Variants in COG6 observed in about 807,000 individuals in gnomAD.
COG6 encodes component of oligomeric golgi complex 6.
A neutral mutation model predicts 88.8 loss-of-function variants in COG6; 74 were observed. The ratio of observed to expected loss-of-function variants is 0.83; its 90% CI spans 0.69 to 1.01. COG6 has a LOEUF of 1.01. COG6 is among the 50% of genes least tolerant of loss of function. COG6 has a pLI of 0.00. For missense variants in COG6, 800 were observed against 797.9 expected (o/e 1.00, Z -0.03); for synonymous variants, 286 against 278.7 (o/e 1.03, Z -0.26).
chr13:39,787,224 G>T (rs1881801130), intron 18 of COG6, among the ~76,000 whole-genome samples: 1 of 152,198 alleles, frequency 6.6e-6, no homozygotes, highest in African/African-American at 2.4e-5. Context: ...TTCCAGGCAA[G>T]ATGGTCAAAT....
intron 15 of COG6, among the ~76,000 whole-genome samples, chr13:39,721,406 G>A (rs1878843816): frequency 3.9e-5 from 6 of 152,008 alleles, no homozygotes; most frequent in Admixed American, 3.3e-4. Flanking sequence ...ATTAGTCCTG[G>A]CAGCATTTTC....
At chr13:39,759,203 G>A (rs1880939157) in intron 18 of COG6, among the ~76,000 whole-genome samples, 1 of 152,102 alleles carries the variant, frequency 6.6e-6, no homozygotes, top group African/African-American at 2.4e-5. Flanking sequence ...TTTTAAAATG[G>A]TAAATTTTAT....
intron 4 of COG6, among the ~76,000 whole-genome samples, chr13:39,674,287 T>C (rs1875832408): frequency 6.6e-6 from 1 of 151,020 alleles, no homozygotes; most frequent in Admixed American, 6.6e-5. Flanking sequence ...AATCGACATG[T>C]TTCTCATTTT....
chr13:39,734,086 G>A (rs1455934691), intron 18 of COG6, among the ~76,000 whole-genome samples: 1 of 151,824 alleles, frequency 6.6e-6, no homozygotes, highest in Non-Finnish European at 1.5e-5. Flanking sequence ...TCACTCTTTT[G>A]TACTTTTGTT....
chr13:39,657,744 G>A (rs555309571), intron 1 of COG6, among the ~76,000 whole-genome samples: 30 of 152,222 alleles, frequency 2.0e-4, no homozygotes, highest in African/African-American at 6.5e-4. Context: ...TGTACAATGG[G>A]GATGTCCTGG....
intron 13 of COG6, among the ~76,000 whole-genome samples, chr13:39,703,267 A>G (rs560801851): frequency 4.4e-4 from 67 of 152,222 alleles, no homozygotes; most frequent in African/African-American, 1.0e-3. Flanking sequence ...GATAATGGAC[A>G]TTAAAAAAAA....
At chr13:39,786,548 T>A (rs1008416263) in intron 18 of COG6, among the ~76,000 whole-genome samples, 5 of 152,156 alleles carry the variant, frequency 3.3e-5, no homozygotes, top group African/African-American at 1.2e-4. Context: ...GTAAGTGATA[T>A]TGAAACAAGG....
In COG6 at chr13:39,687,577, G is replaced by A. The variant is rs1282236514; in HGVS notation, c.863G>A (p.Gly288Glu). The A allele has an allele frequency of 1.9e-6, 3 of 1,613,604 alleles. No homozygotes were observed. The highest frequency in any genetic ancestry group is 2.5e-6 in the Non-Finnish European group (3 of 1,179,982). The change falls in exon 9 of 19, where the codon GGG (glycine) becomes GAG (glutamate). Residue 288 changes from glycine to glutamate, a missense_variant. Physicochemically the swap from Gly to Glu is moderately conservative, Grantham distance 98. Coordinates refer to ENST00000455146, the MANE Select transcript of COG6 (RefSeq NM_020751.3). ...VRGFIDALTR[G>E]GPGGTPRPIE... ...GGATTTATTGATGCGCTCACAAGAG[G>A]GGGCCCCGGAGGTACACCTAGACCA...
intron 10 of COG6, among the ~76,000 whole-genome samples, 159 bp from the exon 11 acceptor site, chr13:39,689,601 C>G (rs1415390439): frequency 6.6e-6 from 1 of 151,858 alleles, no homozygotes; most frequent in East Asian, 1.9e-4. Flanking sequence ...AGTAATGTCC[C>G]AAGAGATATC....
intron 12 of COG6, 67 bp downstream of exon 12, chr13:39,694,792 TA>T: frequency 1.1e-6 from 1 of 890,148 alleles, no homozygotes; most frequent in South Asian, 1.5e-5. Context: ...GAGCACAGTA[TA>T]AGATTTTTTT....
chr13:39,755,439 G>T (rs913797585), downstream of COG6, among the ~76,000 whole-genome samples: 1 of 152,132 alleles, frequency 6.6e-6, no homozygotes, highest in Non-Finnish European at 1.5e-5. Context: ...CTACTGGGGT[G>T]GGGGTGGGGA....
intron 13 of COG6, among the ~76,000 whole-genome samples, chr13:39,702,060 C>T (rs757985466): frequency 1.3e-5 from 2 of 151,788 alleles, no homozygotes; most frequent in Non-Finnish European, 2.9e-5. Flanking sequence ...TAGAGAGTAC[C>T]ATGTGCAGTT....
intron 13 of COG6, among the ~76,000 whole-genome samples, chr13:39,701,558 A>G (rs1239664141): frequency 6.6e-6 from 1 of 151,958 alleles, no homozygotes; most frequent in East Asian, 1.9e-4. Flanking sequence ...GAGGCAGGAC[A>G]AAAATTAGGA....
rs184808903 is a variant in COG6 at position 39,665,797 on chromosome 13, C to T, written c.428+643C>T. Among the ~76,000 whole-genome samples, 10 of 152,278 alleles carry T rather than the reference C, an allele frequency of 6.6e-5. No homozygotes were observed. The East Asian group carries it at 1.9e-3, about 29-fold the overall frequency. On this transcript the variant is annotated intron_variant, in intron 4 of 18. Coordinates refer to ENST00000455146, the MANE Select transcript of COG6 (RefSeq NM_020751.3). ...CAGTAGTTGGGTACATCACTTAAAC[C>T]TTTTAGTATTCTAGGTATTTCATCA...
rs374307731 is a variant in COG6, at chr13:39,664,040, A to G, written c.370-1056A>G. The G allele has an allele frequency of 2.4e-4, 37 of 154,776 alleles. No homozygotes were observed. In the Middle Eastern group the frequency reaches 5.1e-3, roughly 22 times the overall value. 9.6% of individuals were successfully genotyped at this position (154,776 alleles called of 1,614,324 possible). On this transcript the variant is annotated intron_variant, in intron 3 of 18. Transcript: ENST00000455146. ...TTATTGACAGCATACCTAGAAAGCAATAAGACAGAGAATTTCCCTCACAGT... is the reference window on the plus strand; with the variant it reads ...TTATTGACAGCATACCTAGAAAGCAGTAAGACAGAGAATTTCCCTCACAGT...
Position 39,751,001 on chromosome 13 carries a change from T to G in COG6, c.1882T>G (p.Tyr628Asp), listed in dbSNP as rs1390591541. The change falls in exon 19 of 19, where the codon TAT becomes GAT. Residue 628 changes from tyrosine to aspartate, a missense_variant. Physicochemically the swap from Tyr to Asp is radical, Grantham distance 160. Transcript: ENST00000455146. ...AGTCTGCAGAGCCTATGGTGAAGTGTATGCAGCCGTGATGAATCCAATCAA... is the reference window on the plus strand; with the variant it reads ...AGTCTGCAGAGCCTATGGTGAAGTGGATGCAGCCGTGATGAATCCAATCAA... ...ELVCRAYGEVYAAVMNPINEY... is the reference protein window; with the variant it reads ...ELVCRAYGEVDAAVMNPINEY... 6.2e-7 allele frequency: 1 copy of G among 1,613,590 alleles called. No individual in the cohort carries two copies. Among genetic ancestry groups the G allele is most frequent in the African/African-American group, 1.3e-5 (1 of 74,928 alleles).
At chr13:39,791,318 G>A (rs1881931587) in exon 19 of COG6, 1 of 152,040 alleles carries the variant, frequency 6.6e-6, no homozygotes, top group African/African-American at 2.4e-5. Flanking sequence ...GGAAATGAAA[G>A]TATGATTCTT....
intron 18 of COG6, among the ~76,000 whole-genome samples, chr13:39,783,711 C>T (rs372079788): frequency 2.0e-5 from 3 of 152,078 alleles, no homozygotes; most frequent in Non-Finnish European, 4.4e-5. Context: ...GGACTCTGAC[C>T]CCAAACCAAC....
Position 39,751,850 on chromosome 13 carries a change from G to A in COG6, c.*757G>A. The stretch of plus-strand genomic sequence containing the variant: ...AGCCTTTCCAATGAGCTCTAAGCAT[G>A]TAGATAGCCTGAGCTGTGTCTAAGC... On this transcript the variant is annotated 3_prime_UTR_variant, in exon 19 of 19. Coordinates refer to ENST00000455146, the MANE Select transcript of COG6 (RefSeq NM_020751.3). 7.8e-7 allele frequency: 1 copy of A among 1,287,160 alleles called. No individual in the cohort carries two copies. Among genetic ancestry groups the A allele is most frequent in the Non-Finnish European group, 1.0e-6 (1 of 988,646 alleles). The allele number at this position is 1,287,160 out of a possible 1,614,324, so 79.7% of individuals were successfully genotyped here. A position where few individuals can be genotyped will look rare whatever the true frequency, so the allele number is the denominator to read the frequency against.
Sources: gnomAD v4.1 joint callset for allele counts (sites outside exome capture counted in the v4.1 genomes callset) on GRCh38, gnomAD v4.1.1 for gene constraint, MANE v1.5 for transcripts, NCBI Gene and HGNC (gene_info 2026-07-23, HGNC 2026-07-21) for gene names.